Variants in C3orf70 observed in about 807,000 individuals in gnomAD.
C3orf70 encodes the protein chromosome 3 open reading frame 70.
In C3orf70, 15 loss-of-function variants were observed where a neutral mutation model predicts 20.7. The observed-to-expected ratio is 0.72, with a 90% CI of 0.48 to 1.11. C3orf70 has a LOEUF of 1.11. Among genes scored for constraint, C3orf70 ranks in the 50% most tolerant of loss-of-function variants. The pLI is 0.00. For synonymous variants in C3orf70, 161 were observed against 125.7 expected (o/e 1.28, Z -1.88); for missense variants, 332 against 317.6 (o/e 1.05, Z -0.34).
At chr3:185,086,803 AAG>A (rs746952455) in intron 1 of C3orf70, among the ~76,000 whole-genome samples, 8 of 152,214 alleles carry the variant, frequency 5.3e-5, no homozygotes, top group African/African-American at 1.4e-4. Flanking sequence ...GATGCAAAGA[AAG>A]AGAGGAGGAA....
intron 1 of C3orf70, among the ~76,000 whole-genome samples, chr3:185,134,206 A>G (rs545646493): frequency 1.4e-4 from 21 of 152,184 alleles, no homozygotes; most frequent in Admixed American, 3.9e-4. Flanking sequence ...ACATAGGTTG[A>G]CTTTTTATTC....
At chr3:185,143,654 A>G (rs1213822374) in intron 1 of C3orf70, among the ~76,000 whole-genome samples, 1 of 152,202 alleles carries the variant, frequency 6.6e-6, no homozygotes, top group African/African-American at 2.4e-5. Flanking sequence ...TGAGTAAAAT[A>G]ACTTGGAAGG....
chr3:185,083,052 C>T lies in C3orf70; in HGVS notation c.708G>A (p.Ser236=), dbSNP rs756872479. The part of the protein sequence containing the change: ...EPDECTLLSP[S]QSDLEVIETI... ...TTTCAATCACTTCCAGGTCAGACTG[C>T]GAGGGGGAGAGAAGGGTGCACTCAT... Residue 236 remains serine (S), a synonymous_variant, in exon 2 of 2, where the codon TCG becomes TCA. Coordinates refer to ENST00000335012, the MANE Select transcript of C3orf70 (RefSeq NM_001025266.3). The T allele has an allele frequency of 4.6e-5, 74 of 1,613,904 alleles. No homozygotes were observed. The highest frequency in any genetic ancestry group is 5.8e-5 in the Non-Finnish European group (68 of 1,179,986).
At position 185,079,289 on chromosome 3, in the gene C3orf70, A is replaced by AAAAAAAATAAAAT. The variant is rs1561319368; in HGVS notation, c.*3717_*3718insATTTTATTTTTTT. 2 of 148,812 alleles carry AAAAAAAATAAAAT rather than the reference A, an allele frequency of 1.3e-5. No homozygotes were observed. The highest frequency in any genetic ancestry group is 5.0e-5 in the African/African-American group (2 of 39,616). The allele number at this position is 148,812 out of a possible 1,614,324, so 9.2% of individuals were successfully genotyped here. A position where few individuals can be genotyped will look rare whatever the true frequency, so the allele number is the denominator to read the frequency against. Reference sequence around the variant, plus strand: ...GAGCGAGACTCTGTCTCAAAAAAAAAAAAAAAAAAAAAAAAGTAAAGCCAC... The same window carrying AAAAAAAATAAAAT: ...GAGCGAGACTCTGTCTCAAAAAAAAAAAAAAAATAAAATAAAAAAAAAAAAAAAGTAAAGCCAC... On this transcript the variant is annotated 3_prime_UTR_variant, in exon 2 of 2. Transcript: ENST00000335012.
chr3:185,131,479 A>G (rs1232169317), intron 1 of C3orf70, among the ~76,000 whole-genome samples: 1 of 152,208 alleles, frequency 6.6e-6, no homozygotes, highest in Non-Finnish European at 1.5e-5. Flanking sequence ...TCATATGTAC[A>G]TGTATTTATA....
chr3:185,153,036 T>G lies in C3orf70; in HGVS notation c.-213A>C. ...GGTCCGGGCTGGCAGCCTCCCTCCC[T>G]CCGGCGCGGCGCGCGCCGCGCCCCA... is the stretch of plus-strand genomic sequence containing the variant. On this transcript the variant is annotated 5_prime_UTR_variant, in exon 1 of 2. Coordinates refer to ENST00000335012, the MANE Select transcript of C3orf70 (RefSeq NM_001025266.3). The surrounding 1 kb of genome is among the most constrained non-coding windows in gnomAD (Gnocchi z 6.8). 1.2e-5 allele frequency: 2 copies of G among 160,904 alleles called. No homozygotes were observed. The highest frequency in any genetic ancestry group is 1.3e-5 in the Non-Finnish European group (1 of 77,486). 10.0% of individuals were successfully genotyped at this position (160,904 alleles called of 1,614,324 possible).
intron 1 of C3orf70, among the ~76,000 whole-genome samples, chr3:185,149,378 G>A (rs1716942611): frequency 7.2e-6 from 1 of 139,626 alleles, no homozygotes; most frequent in Non-Finnish European, 1.5e-5. Flanking sequence ...GGCAACAAGA[G>A]TGAAACTCTG....
chr3:185,142,310 G>A (rs887609148), intron 1 of C3orf70, among the ~76,000 whole-genome samples: 1 of 152,008 alleles, frequency 6.6e-6, no homozygotes, highest in Non-Finnish European at 1.5e-5. Flanking sequence ...ATAAAAAAAT[G>A]AGCCAGGCAT....
At chr3:185,106,420 GT>G (rs1436357896) in intron 1 of C3orf70, among the ~76,000 whole-genome samples, 1 of 152,154 alleles carries the variant, frequency 6.6e-6, no homozygotes, top group Non-Finnish European at 1.5e-5. Flanking sequence ...TCTTTTAACT[GT>G]GGGAAGCACG....
chr3:185,114,817 CG>C (rs1425296585), intron 1 of C3orf70, among the ~76,000 whole-genome samples: 1 of 152,126 alleles, frequency 6.6e-6, no homozygotes, highest in African/African-American at 2.4e-5. Context: ...GATCTCCAGA[CG>C]TAAGACTATT....
At chr3:185,106,545 G>C (rs959650913) in intron 1 of C3orf70, among the ~76,000 whole-genome samples, 8 of 152,214 alleles carry the variant, frequency 5.3e-5, no homozygotes, top group Non-Finnish European at 1.2e-4. Flanking sequence ...GAAAACACTG[G>C]GCTAATCAGT....
chr3:185,112,637 TCACA>T (rs1716097235), intron 1 of C3orf70, among the ~76,000 whole-genome samples: 1 of 152,246 alleles, frequency 6.6e-6, no homozygotes, highest in Non-Finnish European at 1.5e-5. Context: ...AATATCTTTC[TCACA>T]CAAAGGTATA....
chr3:185,144,673 T>C (rs1346586312), intron 1 of C3orf70, among the ~76,000 whole-genome samples: 1 of 151,870 alleles, frequency 6.6e-6, no homozygotes, highest in African/African-American at 2.4e-5. Flanking sequence ...GGTTTTGCCA[T>C]GTTGGCCAGG....
At chr3:185,123,990 T>C (rs991386596) in intron 1 of C3orf70, among the ~76,000 whole-genome samples, 1 of 152,188 alleles carries the variant, frequency 6.6e-6, no homozygotes, top group Non-Finnish European at 1.5e-5. Context: ...ACTGAAAATA[T>C]TCGGGGAAAA....
intron 1 of C3orf70, among the ~76,000 whole-genome samples, chr3:185,107,494 G>A (rs576744851): frequency 1.5e-4 from 23 of 152,276 alleles, no homozygotes; most frequent in Admixed American, 5.2e-4. Flanking sequence ...CAAAGTTCCT[G>A]ACAAAGATTA....
At chr3:185,110,657 T>C (rs1716052820) in intron 1 of C3orf70, among the ~76,000 whole-genome samples, 1 of 152,156 alleles carries the variant, frequency 6.6e-6, no homozygotes, top group African/African-American at 2.4e-5. Flanking sequence ...TGGAAGGTTG[T>C]GGGTTTATGG....
intron 1 of C3orf70, among the ~76,000 whole-genome samples, chr3:185,091,980 G>A (rs1378683699): frequency 1.1e-5 from 1 of 89,026 alleles, no homozygotes; most frequent in Non-Finnish European, 2.2e-5. Context: ...TTTTTTTTTA[G>A]TAGAGACAGG....
chr3:185,086,774 T>C (rs1715466922), intron 1 of C3orf70, among the ~76,000 whole-genome samples: 1 of 152,148 alleles, frequency 6.6e-6, no homozygotes, highest in Admixed American at 6.5e-5. Flanking sequence ...GGTGAGAGCC[T>C]ATTATCTGGT....
intron 1 of C3orf70, among the ~76,000 whole-genome samples, chr3:185,093,887 A>C (rs1376575697): frequency 6.6e-6 from 1 of 151,914 alleles, no homozygotes; most frequent in Admixed American, 6.6e-5. Flanking sequence ...ATCCCTCAGG[A>C]TCCTCAGGGG....
Sources: allele counts gnomAD v4.1 joint callset (sites outside exome capture counted in the v4.1 genomes callset), GRCh38; gene constraint gnomAD v4.1.1; non-coding constraint Gnocchi (gnomAD v3.1); transcripts MANE v1.5; gene names NCBI Gene and HGNC (gene_info 2026-07-23, HGNC 2026-07-21).